Variants in ACBD6 observed in about 807,000 individuals in gnomAD.
ACBD6 encodes acyl-CoA-binding domain-containing protein 6.
In ACBD6, 28 loss-of-function variants were observed where a neutral mutation model predicts 37.2. The observed-to-expected ratio is 0.75, with a 90% confidence interval of 0.56 to 1.03. ACBD6 has a LOEUF of 1.03. Ranked by LOEUF, ACBD6 falls within the 50% of genes least tolerant of loss-of-function variation. The pLI is 0.00. For synonymous variants in ACBD6, 113 were observed against 126.8 expected (o/e 0.89, Z 0.73); for missense variants, 340 against 337.4 (o/e 1.01, Z -0.06).
chr1:180,382,846 T>A (rs7549099), intron 6 of ACBD6, among the ~76,000 whole-genome samples: 256 of 152,126 alleles, frequency 1.7e-3, no homozygotes, highest in African/African-American at 5.9e-3. Flanking sequence ...ACAGAATACA[T>A]CATGATCAAA....
At chr1:180,367,110 C>T (rs372622976) in intron 6 of ACBD6, among the ~76,000 whole-genome samples, 5 of 152,142 alleles carry the variant, frequency 3.3e-5, no homozygotes, top group East Asian at 1.9e-4. Flanking sequence ...AGAATAGAAA[C>T]GTGATTAAAA....
At chr1:180,349,718 T>C (rs1179779698) in intron 6 of ACBD6, among the ~76,000 whole-genome samples, 3 of 152,226 alleles carry the variant, frequency 2.0e-5, no homozygotes, top group African/African-American at 7.2e-5. Flanking sequence ...TTAGTGGGCC[T>C]TTCTCTTTAA....
chr1:180,406,899 A>G (rs1386105076), intron 5 of ACBD6, among the ~76,000 whole-genome samples: 1 of 152,234 alleles, frequency 6.6e-6, no homozygotes, highest in Non-Finnish European at 1.5e-5. Context: ...CCAACTCATA[A>G]TAAGAAAACG....
intron 6 of ACBD6, among the ~76,000 whole-genome samples, chr1:180,378,830 C>G (rs1653537528): frequency 6.6e-6 from 1 of 152,184 alleles, no homozygotes; most frequent in Non-Finnish European, 1.5e-5. Context: ...CTCCACCCAT[C>G]ACAGCCACCA....
At chr1:180,416,023 T>G (rs1648079474) in intron 4 of ACBD6, among the ~76,000 whole-genome samples, 2 of 152,234 alleles carry the variant, frequency 1.3e-5, no homozygotes, top group Admixed American at 1.3e-4. Flanking sequence ...ACATATAAAT[T>G]AAATACCAAA....
rs12087208 is a variant in ACBD6 at position 180,453,762 on chromosome 1, C to T, written c.385-23500G>A. Among the ~76,000 whole-genome samples the T allele has an allele frequency of 8.0e-3, 1,215 of 152,202 alleles. 13 individuals are homozygous for T. The highest frequency in any genetic ancestry group is 0.028 in the African/African-American group (1,163 of 41,520). ...TTCCTATAAACCAATAATAGACAAACAGAGAGCCAAATCATGAGTGAAATT... is the reference window on the plus strand; with the variant it reads ...TTCCTATAAACCAATAATAGACAAATAGAGAGCCAAATCATGAGTGAAATT... On this transcript the variant is annotated intron_variant, in intron 3 of 7. Transcript: ENST00000367595.
At chr1:180,409,909 A>C (rs752088870) in intron 5 of ACBD6, among the ~76,000 whole-genome samples, 2 of 152,264 alleles carry the variant, frequency 1.3e-5, no homozygotes, top group African/African-American at 4.8e-5. Flanking sequence ...AAACCAACAC[A>C]GGCCAAAAGC....
chr1:180,297,059 A>G (rs1649946469), intron 7 of ACBD6, among the ~76,000 whole-genome samples: 1 of 152,102 alleles, frequency 6.6e-6, no homozygotes, highest in African/African-American at 2.4e-5. Flanking sequence ...TAATAGTGGA[A>G]GCAGAACTCC....
intron 3 of ACBD6, among the ~76,000 whole-genome samples, chr1:180,455,699 G>A (rs1032507483): frequency 1.3e-4 from 19 of 151,984 alleles, no homozygotes; most frequent in African/African-American, 4.4e-4. Flanking sequence ...CCAATCTAGA[G>A]CCACTAGATT....
intron 6 of ACBD6, among the ~76,000 whole-genome samples, chr1:180,375,166 AG>A (rs1653388586): frequency 6.6e-6 from 1 of 152,218 alleles, no homozygotes. Context: ...AAACTATGAA[AG>A]AGAAATACCT....
chr1:180,363,708 AGGAGCAGGAGCG>A (rs1652930746), intron 6 of ACBD6, among the ~76,000 whole-genome samples: 7 of 140,484 alleles, frequency 5.0e-5, no homozygotes, highest in Admixed American at 1.4e-4. Flanking sequence ...GAGCAGGAGC[AGGAGCAGGAGCG>A]GGAGCATGCT....
chr1:180,342,194 G>C (rs999323951), intron 6 of ACBD6, among the ~76,000 whole-genome samples: 1 of 152,050 alleles, frequency 6.6e-6, no homozygotes, highest in South Asian at 2.1e-4. Context: ...GAATTGACTG[G>C]CAAGTGGGGA....
intron 1 of ACBD6, among the ~76,000 whole-genome samples, chr1:180,499,805 G>A (rs1651880718): frequency 1.3e-5 from 2 of 152,216 alleles, no homozygotes; most frequent in East Asian, 3.9e-4. Context: ...CTAATTCCAA[G>A]GCCAATTTGG....
chr1:180,370,707 G>T (rs971340950), intron 6 of ACBD6, among the ~76,000 whole-genome samples: 13 of 152,178 alleles, frequency 8.5e-5, no homozygotes, highest in African/African-American at 3.1e-4. Flanking sequence ...GAGGTTGCTT[G>T]TCTAAATTTT....
intron 6 of ACBD6, among the ~76,000 whole-genome samples, chr1:180,396,882 T>C (rs1277812984): frequency 6.6e-6 from 1 of 152,170 alleles, no homozygotes; most frequent in Non-Finnish European, 1.5e-5. Flanking sequence ...GGAAAACAGT[T>C]TGTCAGTTGC....
intron 5 of ACBD6, among the ~76,000 whole-genome samples, chr1:180,409,919 C>G (rs371418870): frequency 6.6e-6 from 1 of 152,224 alleles, no homozygotes; most frequent in African/African-American, 2.4e-5. Flanking sequence ...AGGCCAAAAG[C>G]TAGGCCTCTT....
At chr1:180,357,221 ATAAG>A (rs1214514912) in intron 6 of ACBD6, among the ~76,000 whole-genome samples, 1 of 152,212 alleles carries the variant, frequency 6.6e-6, no homozygotes, top group East Asian at 1.9e-4. Context: ...ACATCCTGAA[ATAAG>A]TAAGGTAGGT....
At chr1:180,283,326 C>T (rs1463024524), downstream of ACBD6, among the ~76,000 whole-genome samples, 1 of 152,032 alleles carries the variant, frequency 6.6e-6, no homozygotes, top group East Asian at 1.9e-4. Context: ...CCTCATAGTC[C>T]CACATGTTCA....
intron 3 of ACBD6, among the ~76,000 whole-genome samples, chr1:180,442,379 T>C (rs766101423): frequency 2.6e-5 from 4 of 152,150 alleles, no homozygotes; most frequent in Non-Finnish European, 4.4e-5. Flanking sequence ...TATTGACATC[T>C]AGTGAATAGA....
Sources: gnomAD v4.1 joint callset for allele counts (sites outside exome capture counted in the v4.1 genomes callset) on GRCh38, gnomAD v4.1.1 for gene constraint, MANE v1.5 for transcripts, NCBI Gene and HGNC (gene_info 2026-07-23, HGNC 2026-07-21) for gene names.